Variants in SPTBN2 observed in about 807,000 individuals in gnomAD.
The protein encoded by SPTBN2 is spectrin beta chain, non-erythrocytic 2.
A neutral mutation model predicts 284.2 loss-of-function variants in SPTBN2; 107 were observed. The ratio of observed to expected loss-of-function variants is 0.38; its 90% CI spans 0.32 to 0.44. The LOEUF (loss-of-function observed/expected upper bound fraction) is 0.44, where lower values mean the gene tolerates loss of function less well. SPTBN2 is among the 20% of genes least tolerant of loss of function. SPTBN2 has a pLI of 1.00. For synonymous variants in SPTBN2, 1,289 were observed against 1,354.8 expected (o/e 0.95, Z 1.07); for missense variants, 2,569 against 3,287.1 (o/e 0.78, Z 5.34).
At position 66,687,935 on chromosome 11, in the gene SPTBN2, C is replaced by G; in HGVS notation, c.6451-17G>C. Reference sequence around the variant, plus strand: ...CAGCAGGGGCTGCAAGGACAAGAATCTGTAAAAGGATGTGCGGGGGTGGAG... The same window carrying G: ...CAGCAGGGGCTGCAAGGACAAGAATGTGTAAAAGGATGTGCGGGGGTGGAG... On this transcript the variant is annotated splice_polypyrimidine_tract_variant and intron_variant, in intron 33 of 37. Coordinates refer to ENST00000533211, the MANE Select transcript of SPTBN2 (RefSeq NM_006946.4). The surrounding 1 kb of genome is among the most constrained non-coding windows in gnomAD (Gnocchi z 5.2). The G allele has an allele frequency of 6.2e-7, 1 of 1,614,212 alleles. No individual in the cohort carries two copies. Among genetic ancestry groups the G allele is most frequent in the Admixed American group, 1.7e-5 (1 of 60,032 alleles).
At chr11:66,731,940 C>T (rs1187715536), upstream of SPTBN2, among the ~76,000 whole-genome samples, 1 of 152,090 alleles carries the variant, frequency 6.6e-6, no homozygotes, top group African/African-American at 2.4e-5. Flanking sequence ...AGATATATAA[C>T]CACAAAGTAT....
At chr11:66,686,206 A>ACT (rs779200522) in intron 37 of SPTBN2, 102 bp from the exon 38 acceptor site, 1 of 1,412,560 alleles carries the variant, frequency 7.1e-7, no homozygotes, top group Non-Finnish European at 1.0e-6. Flanking sequence ...AAGTGAGCTG[A>ACT]CTGTTTCATG....
chr11:66,738,497 C>A (rs953735945), intron 1 of SPTBN2, among the ~76,000 whole-genome samples: 1 of 152,056 alleles, frequency 6.6e-6, no homozygotes, highest in African/African-American at 2.4e-5. Context: ...AGATGAAAAT[C>A]AAATTGACTT....
chr11:66,694,763 G>A (rs1275357924), intron 21 of SPTBN2, among the ~76,000 whole-genome samples: 2 of 152,210 alleles, frequency 1.3e-5, no homozygotes, highest in African/African-American at 4.8e-5. Flanking sequence ...TCGTGGCCCT[G>A]CTTTGAGACA....
intron 1 of SPTBN2, among the ~76,000 whole-genome samples, chr11:66,734,588 C>T (rs1942839778): frequency 1.3e-5 from 2 of 152,228 alleles, no homozygotes; most frequent in Non-Finnish European, 2.9e-5. Flanking sequence ...TTAGATGTTA[C>T]TTCCTCTGGA....
intron 3 of SPTBN2, among the ~76,000 whole-genome samples, chr11:66,716,564 A>G (rs1463928528): frequency 6.6e-6 from 1 of 152,176 alleles, no homozygotes; most frequent in Non-Finnish European, 1.5e-5. Context: ...ACCATGGGAC[A>G]TGCAGGGAGG....
At position 66,708,982 on chromosome 11, in the gene SPTBN2, TG is replaced by T; in HGVS notation, c.1110del (p.Phe370LeufsTer181). On this transcript the variant is annotated frameshift_variant, in exon 11 of 38. Transcript: ENST00000533211. LOFTEE classifies it high-confidence loss of function. This position sits in a 1 kb window ranked among gnomAD's most constrained non-coding sequence, Gnocchi z 4.4. ...TTGGCCCGAAGCTTGCTCTGGATGG[TG>T]AAGAGCAGCACTTCCAAGTTCCCTT... is the stretch of plus-strand genomic sequence containing the variant. ...TEKGNLEVLL[F>X]TIQSKLRANN... The T allele has an allele frequency of 6.2e-7, 1 of 1,613,740 alleles. No homozygotes were observed. Among genetic ancestry groups the T allele is most frequent in the Admixed American group, 1.7e-5 (1 of 59,986 alleles).
At chr11:66,734,962 G>A (rs182474661) in intron 1 of SPTBN2, among the ~76,000 whole-genome samples, 1 of 152,212 alleles carries the variant, frequency 6.6e-6, no homozygotes, top group South Asian at 2.1e-4. Flanking sequence ...TAGATGCACT[G>A]CCCTCTGCAT....
intron 37 of SPTBN2, 134 bp downstream of exon 37, chr11:66,686,264 G>T: frequency 7.1e-7 from 1 of 1,413,348 alleles, no homozygotes; most frequent in Non-Finnish European, 1.0e-6. Flanking sequence ...GGCCTGGTGC[G>T]GCCGTCGCAC....
chr11:66,725,237 C>G (rs1942574747), intron 1 of SPTBN2, among the ~76,000 whole-genome samples: 1 of 152,188 alleles, frequency 6.6e-6, no homozygotes, highest in African/African-American at 2.4e-5. Flanking sequence ...CCACAGCCTT[C>G]CATGTGAATG....
rs1186131900 is a variant in SPTBN2 at position 66,707,961 on chromosome 11, G to A, written c.1351-143C>T. 4.3e-6 allele frequency: 6 copies of A among 1,380,802 alleles called. No individual in the cohort carries two copies. In the Admixed American group the frequency reaches 8.0e-5, roughly 18 times the overall value. The allele number at this position is 1,380,802 out of a possible 1,614,324, so 85.5% of individuals were successfully genotyped here. On this transcript the variant is annotated intron_variant, in intron 12 of 37. Transcript: ENST00000533211. This position sits in a 1 kb window ranked among gnomAD's most constrained non-coding sequence, Gnocchi z 4.9. ...TCCCTCTCTATCCCACCCCCATCCT[G>A]TCTCACCAACCCTCTCTCCTGTCCC...
intron 1 of SPTBN2, chr11:66,728,075 G>T: frequency 6.8e-6 from 1 of 146,836 alleles, no homozygotes; most frequent in South Asian, 1.9e-4. Context: ...CCCCGACCCC[G>T]ACCCCGACCC....
In SPTBN2 at chr11:66,718,189, G is replaced by A. The variant is rs912614238; in HGVS notation, c.158-2208C>T. Among the ~76,000 whole-genome samples, 38 of 152,214 alleles carry A rather than the reference G, an allele frequency of 2.5e-4. No individual in the cohort carries two copies. Among genetic ancestry groups the A allele is most frequent in the African/African-American group, 8.9e-4 (37 of 41,460 alleles). ...TGCTCCATGCAGCACCCCAAGGCCC[G>A]GCAGTCACACCCACCCATGCCATCA... On this transcript the variant is annotated intron_variant, in intron 3 of 37. Coordinates refer to ENST00000533211, the MANE Select transcript of SPTBN2 (RefSeq NM_006946.4). The surrounding 1 kb of genome is among the most constrained non-coding windows in gnomAD (Gnocchi z 4.8).
rs980344912 is a variant in SPTBN2 at position 66,691,256 on chromosome 11, C to T, written c.5565+28G>A. 6.6e-7 allele frequency: 1 copy of T among 1,512,944 alleles called. No homozygotes were observed. The highest frequency in any genetic ancestry group is 8.9e-7 in the Non-Finnish European group (1 of 1,129,756). 93.7% of individuals were successfully genotyped at this position (1,512,944 alleles called of 1,614,324 possible). ...TTCCCCCATGGCCTCCTCTAAGCCTCCCCCACCTCCTCATGCTTGGGTCAG... is the reference window on the plus strand; with the variant it reads ...TTCCCCCATGGCCTCCTCTAAGCCTTCCCCACCTCCTCATGCTTGGGTCAG... On this transcript the variant is annotated intron_variant, in intron 27 of 37. Coordinates refer to ENST00000533211, the MANE Select transcript of SPTBN2 (RefSeq NM_006946.4). This position sits in a 1 kb window ranked among gnomAD's most constrained non-coding sequence, Gnocchi z 8.0.
chr11:66,739,096 C>T (rs1184723763), intron 1 of SPTBN2, among the ~76,000 whole-genome samples: 10 of 152,002 alleles, frequency 6.6e-5, no homozygotes, highest in East Asian at 1.9e-4. Flanking sequence ...CGTGAGCCAA[C>T]GTGCCGGGCC....
intron 1 of SPTBN2, among the ~76,000 whole-genome samples, chr11:66,738,240 G>T (rs1402798046): frequency 6.6e-6 from 1 of 151,918 alleles, no homozygotes; most frequent in African/African-American, 2.4e-5. Flanking sequence ...ACAAAAAAAA[G>T]ATTTCTTCTA....
chr11:66,694,968 G>C (rs1036829977), intron 21 of SPTBN2, among the ~76,000 whole-genome samples: 10 of 152,220 alleles, frequency 6.6e-5, no homozygotes, highest in African/African-American at 2.4e-4. Flanking sequence ...TCTCTGGCAA[G>C]TTTTGCTGCA....
Position 66,691,143 on chromosome 11 carries a change from T to C in SPTBN2, c.5565+141A>G. Reference sequence around the variant, plus strand: ...AACAGAGATGTTTTCTTGGAGCAATTTCCTCATCTCGAAATGGCCCTCGAA... The same window carrying C: ...AACAGAGATGTTTTCTTGGAGCAATCTCCTCATCTCGAAATGGCCCTCGAA... On this transcript the variant is annotated intron_variant, in intron 27 of 37. Coordinates refer to ENST00000533211, the MANE Select transcript of SPTBN2 (RefSeq NM_006946.4). This position sits in a 1 kb window ranked among gnomAD's most constrained non-coding sequence, Gnocchi z 8.0. 1 of 1,268,654 alleles carries C rather than the reference T, an allele frequency of 7.9e-7. No homozygotes were observed. Among genetic ancestry groups the C allele is most frequent in the Admixed American group, 2.6e-5 (1 of 38,814 alleles). 78.6% of individuals were successfully genotyped at this position (1,268,654 alleles called of 1,614,324 possible). A position where few individuals can be genotyped will look rare whatever the true frequency, so the allele number is the denominator to read the frequency against.
intron 1 of SPTBN2, among the ~76,000 whole-genome samples, chr11:66,722,364 G>T (rs1942453067): frequency 2.6e-5 from 4 of 151,396 alleles, no homozygotes; most frequent in Non-Finnish European, 5.9e-5. Context: ...CACAAGGTCA[G>T]GAGATCGAGA....
Sources: allele counts gnomAD v4.1 joint callset (sites outside exome capture counted in the v4.1 genomes callset), GRCh38; gene constraint gnomAD v4.1.1; non-coding constraint Gnocchi (gnomAD v3.1); transcripts MANE v1.5; gene names NCBI Gene and HGNC (gene_info 2026-07-23, HGNC 2026-07-21).